The following MYLK2 variants were observed in gnomAD, a reference collection of about 807,000 sequenced individuals.
The protein encoded by MYLK2 is myosin light chain kinase 2, also known as myosin light chain kinase 2, skeletal/cardiac muscle.
Under a neutral mutation model 58.2 loss-of-function variants are expected in MYLK2, and 27 were observed. The observed-to-expected ratio is 0.46, with a 90% CI of 0.34 to 0.64. The LOEUF is 0.64. MYLK2 is among the 30% of genes least tolerant of loss of function. The pLI is 0.01. For missense variants in MYLK2, 676 were observed against 764.3 expected (o/e 0.88, Z 1.36); for synonymous variants, 310 against 296.7 (o/e 1.04, Z -0.46).
chr20:31,820,364 GC>G lies in MYLK2; in HGVS notation c.295del (p.Gln99SerfsTer83). Reference protein sequence around the residue: ...EGSAGPPAALPQQTATPETSV... With the variant: ...EGSAGPPAALXQQTATPETSV... ...GCAGTGCTGGGCCCCCGGCAGCCCT[GC>G]CCCAGCAGACTGCGACACCTGAGAC... On this transcript the variant is annotated frameshift_variant, in exon 3 of 13. Transcript: ENST00000375985. LOFTEE classifies it high-confidence loss of function. 6 of 1,612,704 alleles carry G rather than the reference GC, an allele frequency of 3.7e-6. No individual in the cohort carries two copies. Among genetic ancestry groups the G allele is most frequent in the Non-Finnish European group, 5.1e-6 (6 of 1,179,776 alleles).
rs201070031 is a variant in MYLK2, at chr20:31,821,511, C to T, written c.546C>T (p.Thr182=). 2 of 1,613,996 alleles carry T rather than the reference C, an allele frequency of 1.2e-6. No homozygotes were observed. The highest frequency in any genetic ancestry group is 1.7e-5 in the Admixed American group (1 of 60,028). ...TCACCTTTGAAGGGGTGCCCATGACCCACAGCCCCACGGATCCCAGGCCAG... is the reference window on the plus strand; with the variant it reads ...TCACCTTTGAAGGGGTGCCCATGACTCACAGCCCCACGGATCCCAGGCCAG... ...SELTFEGVPM[T]HSPTDPRPAK... Residue 182 remains threonine, a synonymous_variant, in exon 4 of 13, where the codon ACC becomes ACT. Transcript: ENST00000375985.
intron 12 of MYLK2, among the ~76,000 whole-genome samples, chr20:31,833,494 G>A (rs2062316895): frequency 6.6e-6 from 1 of 152,162 alleles, no homozygotes; most frequent in Non-Finnish European, 1.5e-5. Flanking sequence ...GGGAGTGTTT[G>A]GAGCAGAGCG....
intron 6 of MYLK2, among the ~76,000 whole-genome samples, chr20:31,825,977 G>A (rs936495689): frequency 6.6e-6 from 1 of 152,198 alleles, no homozygotes; most frequent in African/African-American, 2.4e-5. Flanking sequence ...CTAGCTTGAA[G>A]GTAGATGATG....
At position 31,824,299 on chromosome 20, in the gene MYLK2, A is replaced by G. The variant is rs765569499; in HGVS notation, c.919A>G (p.Thr307Ala). ...AGTCTGTACCTGCATGGAGAAAGCCACAGGCCTCAAGCTGGCAGCCAAGGT... is the reference window on the plus strand; with the variant it reads ...AGTCTGTACCTGCATGGAGAAAGCCGCAGGCCTCAAGCTGGCAGCCAAGGT... ...GAVCTCMEKA[T>A]GLKLAAKVIK... is the part of the protein sequence containing the mutation. The change falls in exon 6 of 13, where the codon ACA becomes GCA. Residue 307 changes from threonine (T) to alanine (A), a missense_variant. Around this residue, in one of 2 missense-constraint regions of MYLK2, gnomAD observed 370 missense variants for 467.8 expected, o/e 0.79. Transcript: ENST00000375985. 1.2e-6 allele frequency: 2 copies of G among 1,613,728 alleles called. 1 individual carries two copies. Among genetic ancestry groups the G allele is most frequent in the South Asian group, 2.2e-5 (2 of 90,964 alleles).
At chr20:31,831,640 C>G (rs574731758) in intron 10 of MYLK2, 63 bp from the exon 11 acceptor site, 1 of 1,584,012 alleles carries the variant, frequency 6.3e-7, no homozygotes, top group Non-Finnish European at 8.7e-7. Context: ...TTCCCTACCC[C>G]TCTGAAGGTG....
Position 31,834,079 on chromosome 20 carries a change from G to T in MYLK2, c.*282G>T. On this transcript the variant is annotated 3_prime_UTR_variant, in exon 13 of 13. Coordinates refer to ENST00000375985, the MANE Select transcript of MYLK2 (RefSeq NM_033118.4). ...CAGACTCCAGGCCCCCGTTGAAGCC[G>T]CTCCCGGTTCCCTCCCCAGCTCCTC... The T allele has an allele frequency of 2.0e-6, 1 of 491,748 alleles. No homozygotes were observed. Among genetic ancestry groups the T allele is most frequent in the Non-Finnish European group, 3.7e-6 (1 of 269,766 alleles). 30.5% of individuals were successfully genotyped at this position (491,748 alleles called of 1,614,324 possible).
At chr20:31,831,603 G>C (rs904005388) in intron 10 of MYLK2, 100 bp from the exon 11 acceptor site, 2 of 1,383,956 alleles carry the variant, frequency 1.4e-6, no homozygotes. Flanking sequence ...TTCAGCACAC[G>C]GTGCTGCCTC....
chr20:31,820,133 A>G lies in MYLK2; in HGVS notation c.60A>G (p.Ala20=), dbSNP rs760876403. 5.0e-6 allele frequency: 8 copies of G among 1,613,628 alleles called. No individual in the cohort carries two copies. Among genetic ancestry groups the G allele is most frequent in the Non-Finnish European group, 5.9e-6 (7 of 1,180,008 alleles). ...GTCTCACCTCCTCTGCAGACAAGGC[A>G]CCTAAAGGTCCCACAGGTGAAAGAC... ...LGIQNPSTDK[A]PKGPTGERPL... Residue 20 remains alanine, a synonymous_variant, in exon 3 of 13, where the codon GCA becomes GCG. Transcript: ENST00000375985.
At position 31,833,701 on chromosome 20, in the gene MYLK2, C is replaced by G; in HGVS notation, c.1711-16C>G. The G allele has an allele frequency of 6.2e-7, 1 of 1,613,258 alleles. No homozygotes were observed. Among genetic ancestry groups the G allele is most frequent in the Non-Finnish European group, 8.5e-7 (1 of 1,179,280 alleles). Reference sequence around the variant, plus strand: ...GCCCTGGTGTTGACTGGGACTCCCTCTCTTCTGCCCTCTAGAAAAACTTCA... The same window carrying G: ...GCCCTGGTGTTGACTGGGACTCCCTGTCTTCTGCCCTCTAGAAAAACTTCA... On this transcript the variant is annotated splice_polypyrimidine_tract_variant and intron_variant, in intron 12 of 12. Coordinates refer to ENST00000375985, the MANE Select transcript of MYLK2 (RefSeq NM_033118.4).
chr20:31,819,870 A>C (rs2062242635), intron 2 of MYLK2, among the ~76,000 whole-genome samples: 1 of 152,112 alleles, frequency 6.6e-6, no homozygotes, highest in Admixed American at 6.5e-5. Flanking sequence ...CTGGGGATGC[A>C]CCTAAACAGT....
chr20:31,821,837 C>A, intron 4 of MYLK2, 100 bp downstream of exon 4: 3 of 1,208,008 alleles, frequency 2.5e-6, no homozygotes, highest in East Asian at 2.4e-5. Flanking sequence ...CTGAACTGCC[C>A]TGAGCCAAGC....
Position 31,827,020 on chromosome 20 carries a change from G to T in MYLK2, c.1224+82G>T, listed in dbSNP as rs984132185. The T allele has an allele frequency of 7.5e-6, 12 of 1,594,158 alleles. No individual in the cohort carries two copies. The African/African-American group carries it at 1.5e-4, about 20-fold the overall frequency. On this transcript the variant is annotated intron_variant, in intron 8 of 12. Coordinates refer to ENST00000375985, the MANE Select transcript of MYLK2 (RefSeq NM_033118.4). Reference sequence around the variant, plus strand: ...CAGTGCTGTCACCAGCCATCCCTCTGCCCTCCCATCCCTCCATCTCTTCCT... The same window carrying T: ...CAGTGCTGTCACCAGCCATCCCTCTTCCCTCCCATCCCTCCATCTCTTCCT...
intron 8 of MYLK2, chr20:31,827,291 C>G (rs6121243): frequency 0.3 from 297,448 of 985,136 alleles, 49,179 homozygotes; most frequent in African/African-American, 0.62. Flanking sequence ...CTGCCTCAGC[C>G]TTGGCCCATG....
chr20:31,827,192 G>A, intron 8 of MYLK2: 1 of 985,312 alleles, frequency 1.0e-6, no homozygotes, highest in Non-Finnish European at 1.2e-6. Context: ...CTAGTACTAA[G>A]TATTTGTTGA....
At chr20:31,819,982 A>T in intron 2 of MYLK2, 144 bp from the exon 3 acceptor site, 1 of 1,066,160 alleles carries the variant, frequency 9.4e-7, no homozygotes, top group Non-Finnish European at 1.4e-6. Context: ...GGGGCCATCA[A>T]GTGGCCCCAG....
In MYLK2 at chr20:31,820,123, C is replaced by T; in HGVS notation, c.53-3C>T. On this transcript the variant is annotated splice_polypyrimidine_tract_variant and splice_region_variant and intron_variant, in intron 2 of 12. Transcript: ENST00000375985. ...CCTGATGGGTGTCTCACCTCCTCTG[C>T]AGACAAGGCACCTAAAGGTCCCACA... The T allele has an allele frequency of 6.2e-7, 1 of 1,613,692 alleles. No individual in the cohort carries two copies. Among genetic ancestry groups the T allele is most frequent in the South Asian group, 1.1e-5 (1 of 91,084 alleles).
In MYLK2 at chr20:31,819,371, T is replaced by A; in HGVS notation, c.-106T>A. Reference sequence around the variant, plus strand: ...CCAATCCCTTACAACTGCCCAGGACTGCTCCTGAGCAGCCGCTGGGAGACA... The same window carrying A: ...CCAATCCCTTACAACTGCCCAGGACAGCTCCTGAGCAGCCGCTGGGAGACA... On this transcript the variant is annotated 5_prime_UTR_variant, in exon 1 of 13. Coordinates refer to ENST00000375985, the MANE Select transcript of MYLK2 (RefSeq NM_033118.4). The A allele has an allele frequency of 3.2e-6, 2 of 621,850 alleles. No homozygotes were observed. The highest frequency in any genetic ancestry group is 5.8e-6 in the Non-Finnish European group (2 of 342,826). 38.5% of individuals were successfully genotyped at this position (621,850 alleles called of 1,614,324 possible). A position where few individuals can be genotyped will look rare whatever the true frequency, so the allele number is the denominator to read the frequency against.
intron 8 of MYLK2, among the ~76,000 whole-genome samples, chr20:31,827,881 G>A (rs1265857095): frequency 1.1e-5 from 1 of 93,330 alleles, no homozygotes; most frequent in African/African-American, 5.6e-5. Context: ...GAGCAGATCT[G>A]CTTTTTTTTT....
intron 10 of MYLK2, 120 bp downstream of exon 10, chr20:31,831,261 G>T: frequency 6.9e-7 from 1 of 1,440,850 alleles, no homozygotes; most frequent in Non-Finnish European, 9.6e-7. Flanking sequence ...CCTCAGTCAG[G>T]GGTTTGCTGG....
Sources: gnomAD v4.1 joint callset for allele counts (sites outside exome capture counted in the v4.1 genomes callset) on GRCh38, gnomAD v4.1.1 for gene constraint, gnomAD v4.1.1 regional missense constraint, MANE v1.5 for transcripts, NCBI Gene and HGNC (gene_info 2026-07-23, HGNC 2026-07-21) for gene names.